UMODL1: variants seen among roughly 807,000 people sequenced by gnomAD.
The protein encoded by UMODL1 is uromodulin-like 1.
A neutral mutation model predicts 136.3 loss-of-function variants in UMODL1; 128 were observed. That is an observed-to-expected ratio of 0.94 (90% confidence interval 0.81 to 1.09). UMODL1 has a LOEUF of 1.09. UMODL1 is among the 50% of genes least tolerant of loss of function. The pLI, the probability that UMODL1 is intolerant of heterozygous loss-of-function variation, is 0.00. For missense variants in UMODL1, 1,766 were observed against 1,725.6 expected (o/e 1.02, Z -0.41); for synonymous variants, 721 against 720.0 (o/e 1.00, Z -0.02).
chr21:42,122,914 G>T lies in UMODL1; in HGVS notation c.2911G>T (p.Gly971Cys). The T allele has an allele frequency of 1.2e-6, 2 of 1,613,860 alleles. No individual in the cohort carries two copies. The highest frequency in any genetic ancestry group is 1.7e-6 in the Non-Finnish European group (2 of 1,180,002). Residue 971 changes from glycine to cysteine, a missense_variant, in exon 17 of 23, where the codon GGC becomes TGC. Physicochemically the swap from Gly to Cys is radical, Grantham distance 159 (BLOSUM62 -3). Coordinates refer to ENST00000408910, the MANE Select transcript of UMODL1 (RefSeq NM_001004416.3). This position sits in a 1 kb window ranked among gnomAD's most constrained non-coding sequence, Gnocchi z 4.3. Reference protein sequence around the residue: ...TAGTKAAFVQGTSPTPQGLPQ... With the variant: ...TAGTKAAFVQCTSPTPQGLPQ... ...AGGGACCAAGGCTGCCTTTGTGCAA[G>T]GCACCAGCCCCACCCCCCAAGGCCT...
intron 22 of UMODL1, among the ~76,000 whole-genome samples, chr21:42,141,325 G>A (rs1258419218): frequency 1.2e-4 from 18 of 152,138 alleles, no homozygotes; most frequent in Admixed American, 1.2e-3. Flanking sequence ...TGTCTTTCCC[G>A]TCTCTCCTGC....
chr21:42,139,465 C>T (rs2067250317), intron 22 of UMODL1, among the ~76,000 whole-genome samples: 3 of 152,180 alleles, frequency 2.0e-5, no homozygotes, highest in African/African-American at 7.2e-5. Context: ...GCCCCATGAT[C>T]CAACCACCTC....
chr21:42,099,114 T>C lies in UMODL1; in HGVS notation c.1120T>C (p.Tyr374His). 1.2e-6 allele frequency: 2 copies of C among 1,614,046 alleles called. No homozygotes were observed. The change falls in exon 7 of 23, where the codon TAC becomes CAC. Residue 374 changes from tyrosine (Y) to histidine (H), a missense_variant. Physicochemically the swap from Tyr to His is moderately conservative, Grantham distance 83. Coordinates refer to ENST00000408910, the MANE Select transcript of UMODL1 (RefSeq NM_001004416.3). The surrounding 1 kb of genome is among the most constrained non-coding windows in gnomAD (Gnocchi z 4.1). Reference sequence around the variant, plus strand: ...GGCTGGGCTGGAGGCTGGAGTGCTGTACAGGGTGAAGACCAGCTACCAGGG... The same window carrying C: ...GGCTGGGCTGGAGGCTGGAGTGCTGCACAGGGTGAAGACCAGCTACCAGGG... ...AVAGLEAGVL[Y>H]RVKTSYQGCG...
At position 42,105,620 on chromosome 21, in the gene UMODL1, C is replaced by T. The variant is rs1041031130; in HGVS notation, c.1519+1533C>T. ...AAGTTCAGTGACAAGTGTTCTTATA[C>T]GAGACAAGAGGAGGAGACACAGACA... On this transcript the variant is annotated intron_variant, in intron 9 of 22. Transcript: ENST00000408910. Among the ~76,000 whole-genome samples, 6 of 152,116 alleles carry T rather than the reference C, an allele frequency of 3.9e-5. 1 individual carries two copies. Among genetic ancestry groups the T allele is most frequent in the South Asian group, 4.1e-4 (2 of 4,820 alleles).
chr21:42,118,903 T>C (rs1425414147), intron 14 of UMODL1, among the ~76,000 whole-genome samples: 1 of 152,052 alleles, frequency 6.6e-6, no homozygotes, highest in Admixed American at 6.5e-5. Context: ...AAACAAGGGC[T>C]CTTCTCATAT....
At chr21:42,112,173 G>C (rs2066841211) in intron 12 of UMODL1, among the ~76,000 whole-genome samples, 1 of 150,306 alleles carries the variant, frequency 6.7e-6, no homozygotes, top group Non-Finnish European at 1.5e-5. Context: ...CCCCTCAGCT[G>C]TTCCGTCACC....
At chr21:42,139,615 G>A (rs2067252177) in intron 22 of UMODL1, among the ~76,000 whole-genome samples, 2 of 152,176 alleles carry the variant, frequency 1.3e-5, no homozygotes, top group South Asian at 4.1e-4. Context: ...TTCCCTCGAT[G>A]TTTTAATTTC....
chr21:42,069,025 C>A (rs1371922025), upstream of UMODL1, among the ~76,000 whole-genome samples: 1 of 152,176 alleles, frequency 6.6e-6, no homozygotes, highest in Non-Finnish European at 1.5e-5. Flanking sequence ...GCTGGATGGA[C>A]TGTGGAAGAC....
intron 6 of UMODL1, among the ~76,000 whole-genome samples, chr21:42,092,155 A>G (rs1569149614): frequency 1.3e-5 from 2 of 152,194 alleles, no homozygotes; most frequent in African/African-American, 4.8e-5. Context: ...GCAGAAGGGA[A>G]GCAGCCAGCA....
chr21:42,119,591 C>T (rs1277266119), intron 15 of UMODL1, among the ~76,000 whole-genome samples: 1 of 152,140 alleles, frequency 6.6e-6, no homozygotes, highest in East Asian at 1.9e-4. Context: ...TCGACTGCCC[C>T]CTCGCTGCTT....
upstream of UMODL1, among the ~76,000 whole-genome samples, chr21:42,067,819 G>C (rs997482734): frequency 6.6e-6 from 1 of 152,220 alleles, no homozygotes; most frequent in African/African-American, 2.4e-5. Flanking sequence ...ACCCCAGGCC[G>C]CACCCTCGCT....
intron 6 of UMODL1, 130 bp downstream of exon 6, chr21:42,090,568 T>C: frequency 8.2e-7 from 1 of 1,222,652 alleles, no homozygotes; most frequent in South Asian, 1.6e-5. Flanking sequence ...ATCTTGCTTT[T>C]ATTATTATTT....
At chr21:42,095,639 G>T (rs1253297127) in intron 6 of UMODL1, among the ~76,000 whole-genome samples, 1 of 152,224 alleles carries the variant, frequency 6.6e-6, no homozygotes, top group Admixed American at 6.5e-5. Context: ...AGGTTGCAGG[G>T]ATTAGGACTT....
intron 22 of UMODL1, among the ~76,000 whole-genome samples, chr21:42,139,717 G>A (rs9981687): frequency 0.18 from 27,742 of 151,784 alleles, 2,609 homozygotes; most frequent in South Asian, 0.3. Flanking sequence ...GCTGGGATTC[G>A]CATCTTAAAT....
chr21:42,127,606 C>T (rs2067076562), intron 19 of UMODL1, 66 bp from the exon 20 acceptor site: 1 of 1,517,888 alleles, frequency 6.6e-7, no homozygotes, highest in Non-Finnish European at 8.9e-7. Flanking sequence ...CGTGAGTAAA[C>T]TCATCTGAGA....
Position 42,137,608 on chromosome 21 carries a change from G to T in UMODL1, c.3945G>T (p.Val1315=). The T allele has an allele frequency of 1.2e-6, 2 of 1,613,200 alleles. No individual in the cohort carries two copies. Among genetic ancestry groups the T allele is most frequent in the Non-Finnish European group, 1.7e-6 (2 of 1,179,478 alleles). ...AGTCCAACAACTTCAGCTACCAGGT[G>T]TTCTACGAATAGGAGGCGCAGGCTG... ...KIQSNNFSYQ[V]FYE is the part of the protein sequence containing the mutation. Residue 1315 remains valine, a synonymous_variant, in exon 22 of 23, where the codon GTG becomes GTT. Transcript: ENST00000408910.
intron 5 of UMODL1, among the ~76,000 whole-genome samples, chr21:42,088,775 C>G (rs2066457637): frequency 6.6e-6 from 1 of 152,016 alleles, no homozygotes; most frequent in African/African-American, 2.4e-5. Flanking sequence ...TGGCCTCCTG[C>G]CCCCTCGGCA....
intron 20 of UMODL1, chr21:42,128,094 C>A (rs1474150058): frequency 3.4e-6 from 2 of 586,636 alleles, no homozygotes; most frequent in Admixed American, 4.3e-5. Flanking sequence ...CCATAATATT[C>A]AACCGGCTGT....
intron 6 of UMODL1, among the ~76,000 whole-genome samples, chr21:42,092,438 T>A (rs1243074816): frequency 6.6e-6 from 1 of 152,146 alleles, no homozygotes; most frequent in African/African-American, 2.4e-5. Context: ...ATGTGTAATT[T>A]TATAAGCTGC....
Sources: gnomAD v4.1 joint callset for allele counts (sites outside exome capture counted in the v4.1 genomes callset) on GRCh38, gnomAD v4.1.1 for gene constraint, Gnocchi (gnomAD v3.1) non-coding constraint, MANE v1.5 for transcripts, NCBI Gene and HGNC (gene_info 2026-07-23, HGNC 2026-07-21) for gene names.